Variants in FAT4 observed in about 807,000 individuals in gnomAD.
FAT4 encodes the protein FAT atypical cadherin 4, also known as protocadherin Fat 4.
In FAT4, 84 loss-of-function variants were observed where a neutral mutation model predicts 303.9. The ratio of observed to expected loss-of-function variants is 0.28; its 90% confidence interval spans 0.23 to 0.33. FAT4 has a LOEUF of 0.33. Ranked by LOEUF, FAT4 falls within the 10% of genes least tolerant of loss-of-function variation. The pLI is 1.00. For missense variants in FAT4, 6,005 were observed against 6,146.8 expected, an observed-to-expected ratio of 0.98 and a Z score of 0.77; for synonymous variants, 2,307 against 2,298.8, an observed-to-expected ratio of 1.00 and a Z score of -0.10.
intron 2 of FAT4, among the ~76,000 whole-genome samples, chr4:125,384,727 G>A (rs955589061): frequency 2.0e-5 from 3 of 151,788 alleles, no homozygotes; most frequent in Non-Finnish European, 2.9e-5. Context: ...TTTACTTAGA[G>A]CAACATGTAG....
Position 125,449,431 on chromosome 4 carries a change from A to G in FAT4, c.8421A>G (p.Ala2807=), listed in dbSNP as rs368549043. 11 of 1,613,726 alleles carry G rather than the reference A, an allele frequency of 6.8e-6. No homozygotes were observed. Among genetic ancestry groups the G allele is most frequent in the African/African-American group, 1.3e-5 (1 of 74,910 alleles). Residue 2807 remains alanine, a synonymous_variant, in exon 10 of 18, where the codon GCA becomes GCG. Transcript: ENST00000394329. The part of the protein sequence containing the change: ...TTSDEDIGIN[A]ISRYSIMDAS... ...CTGATGAAGACATTGGGATCAATGC[A>G]ATTAGTAGATATTCTATAATGGATG...
At position 125,449,829 on chromosome 4, in the gene FAT4, TC is replaced by T; in HGVS notation, c.8820del (p.Thr2941LeufsTer6). On this transcript the variant is annotated frameshift_variant, in exon 10 of 18. Coordinates refer to ENST00000394329, the MANE Select transcript of FAT4 (RefSeq NM_001291303.3). LOFTEE classifies it high-confidence loss of function. ...FNKQILKYQN[V>X]TGFSNVNINR... ...AAACAGATCTTAAAATACCAAAATG[TC>T]ACTGGCTTCAGTAATGTGAATATCA... The T allele has an allele frequency of 6.2e-7, 1 of 1,613,920 alleles. No homozygotes were observed. Among genetic ancestry groups the T allele is most frequent in the Non-Finnish European group, 8.5e-7 (1 of 1,179,912 alleles).
intron 2 of FAT4, among the ~76,000 whole-genome samples, chr4:125,388,510 C>A (rs1733850913): frequency 6.6e-6 from 1 of 152,078 alleles, no homozygotes; most frequent in African/African-American, 2.4e-5. Context: ...GAAAAATATA[C>A]TACAGGACGC....
At chr4:125,429,318 G>A (rs934673415) in intron 7 of FAT4, among the ~76,000 whole-genome samples, 1 of 152,092 alleles carries the variant, frequency 6.6e-6, no homozygotes, top group Non-Finnish European at 1.5e-5. Context: ...AGACCTAATG[G>A]TATGCATTAT....
intron 2 of FAT4, among the ~76,000 whole-genome samples, chr4:125,370,608 C>T (rs569376441): frequency 6.6e-6 from 1 of 152,104 alleles, no homozygotes; most frequent in African/African-American, 2.4e-5. Context: ...GAAAACCAAA[C>T]CTCTAAATCA....
chr4:125,360,966 TTTA>T (rs930920090), intron 2 of FAT4, among the ~76,000 whole-genome samples: 69 of 147,396 alleles, frequency 4.7e-4, no homozygotes, highest in Admixed American at 3.5e-3. Flanking sequence ...TATTTATATT[TTTA>T]TTATTATTTA....
At chr4:125,421,905 AT>A (rs534637047) in intron 7 of FAT4, among the ~76,000 whole-genome samples, 222 of 152,252 alleles carry the variant, frequency 1.5e-3, no homozygotes, top group African/African-American at 4.7e-3. Flanking sequence ...TATTTATTAA[AT>A]TTTTTTAAGG....
rs771543271 is a variant in FAT4, at chr4:125,490,098, C to T, written c.13282C>T (p.Pro4428Ser). Reference sequence around the variant, plus strand: ...TCAGTGGTATGCCTACAGGTGTGTCCCTCCTGGGGACTGTGCCTCCCACCC... The same window carrying T: ...TCAGTGGTATGCCTACAGGTGTGTCTCTCCTGGGGACTGTGCCTCCCACCC... ...INQWYAYRCV[P>S]PGDCASHPCQ... Residue 4428 changes from proline (P) to serine (S), a missense_variant, in exon 18 of 18, where the codon CCT becomes TCT. Pro to Ser is a moderately conservative substitution (Grantham distance 74). Coordinates refer to ENST00000394329, the MANE Select transcript of FAT4 (RefSeq NM_001291303.3). 3 of 1,613,968 alleles carry T rather than the reference C, an allele frequency of 1.9e-6. No homozygotes were observed. In the Admixed American group the frequency reaches 5.0e-5, roughly 27 times the overall value.
At position 125,346,414 on chromosome 4, in the gene FAT4, C is replaced by CT. The variant is rs558057139; in HGVS notation, c.5175+24837dup. Among the ~76,000 whole-genome samples, 292 of 151,018 alleles carry CT rather than the reference C, an allele frequency of 1.9e-3. 1 individual carries two copies. Among genetic ancestry groups the CT allele is most frequent in the Middle Eastern group, 3.4e-3 (1 of 294 alleles). On this transcript the variant is annotated intron_variant, in intron 2 of 17. Transcript: ENST00000394329. ...GCAGATTAAAACTTTTATGGCTATA[C>CT]TTTTTTTTTGACAAACCAATGAGCA...
intron 2 of FAT4, among the ~76,000 whole-genome samples, chr4:125,348,810 A>C (rs1458582510): frequency 6.6e-6 from 1 of 151,728 alleles, no homozygotes; most frequent in African/African-American, 2.4e-5. Flanking sequence ...ATGAAATTAA[A>C]TTTAGGATAA....
chr4:125,318,389 C>T lies in FAT4; in HGVS notation c.1978C>T (p.Leu660=). 8.1e-6 allele frequency: 13 copies of T among 1,614,200 alleles called. No homozygotes were observed. Among genetic ancestry groups the T allele is most frequent in the Non-Finnish European group, 1.1e-5 (13 of 1,180,036 alleles). The part of the protein sequence containing the change: ...EEQAFYSLLV[L]ATDLGSPPQS... The stretch of plus-strand genomic sequence containing the variant: ...GCAAGCCTTCTACTCCCTGTTGGTT[C>T]TGGCCACAGATCTGGGCTCCCCTCC... Residue 660 remains leucine (L), a synonymous_variant, in exon 2 of 18, where the codon CTG becomes TTG. Coordinates refer to ENST00000394329, the MANE Select transcript of FAT4 (RefSeq NM_001291303.3).
At chr4:125,389,795 A>G (rs1733909365) in intron 2 of FAT4, among the ~76,000 whole-genome samples, 1 of 152,256 alleles carries the variant, frequency 6.6e-6, no homozygotes, top group South Asian at 2.1e-4. Flanking sequence ...TACATCGCAA[A>G]CAAATAAATA....
At chr4:125,358,574 A>C (rs1258941337) in intron 2 of FAT4, among the ~76,000 whole-genome samples, 1 of 152,076 alleles carries the variant, frequency 6.6e-6, no homozygotes, top group Non-Finnish European at 1.5e-5. Flanking sequence ...TCCTATGAGA[A>C]TCTAATGCTG....
intron 2 of FAT4, among the ~76,000 whole-genome samples, chr4:125,357,890 T>C (rs1218312405): frequency 1.3e-5 from 2 of 152,172 alleles, no homozygotes; most frequent in Non-Finnish European, 2.9e-5. Context: ...AACTGGGCCA[T>C]ACATCCCTTC....
intron 10 of FAT4, among the ~76,000 whole-genome samples, chr4:125,453,490 C>G (rs939631512): frequency 6.6e-6 from 1 of 152,068 alleles, no homozygotes; most frequent in Non-Finnish European, 1.5e-5. Context: ...GGGCAGATCA[C>G]GAGGCTGAGA....
rs35824588 is a variant in FAT4 at position 125,323,520 on chromosome 4, T to TA, written c.5175+1942dup. On this transcript the variant is annotated intron_variant, in intron 2 of 17. Transcript: ENST00000394329. ...AATTCAATGTGATGATTTTTTTAAT[T>TA]AAAAAAAAGTCAGCATATCTTCTGT... is the stretch of plus-strand genomic sequence containing the variant. Among the ~76,000 whole-genome samples, 4 of 151,902 alleles carry TA rather than the reference T, an allele frequency of 2.6e-5. No individual in the cohort carries two copies. In the East Asian group the frequency reaches 7.7e-4, roughly 29 times the overall value.
chr4:125,356,932 G>A (rs1485102694), intron 2 of FAT4, among the ~76,000 whole-genome samples: 1 of 151,876 alleles, frequency 6.6e-6, no homozygotes, highest in African/African-American at 2.4e-5. Context: ...GAACATTCAT[G>A]AATCTAAAAA....
chr4:125,476,005 GC>G (rs1269755559), intron 12 of FAT4, among the ~76,000 whole-genome samples, 165 bp from the exon 13 acceptor site: 5 of 152,050 alleles, frequency 3.3e-5, no homozygotes, highest in African/African-American at 1.2e-4. Flanking sequence ...AGAAACATGT[GC>G]CCATGATTCA....
Position 125,473,870 on chromosome 4 carries a change from G to A in FAT4, c.12214-2301G>A, listed in dbSNP as rs141169576. Among the ~76,000 whole-genome samples, 939 of 151,990 alleles carry A rather than the reference G, an allele frequency of 6.2e-3. 11 individuals carry two copies. Among genetic ancestry groups the A allele is most frequent in the African/African-American group, 0.022 (909 of 41,494 alleles). On this transcript the variant is annotated intron_variant, in intron 12 of 17. Coordinates refer to ENST00000394329, the MANE Select transcript of FAT4 (RefSeq NM_001291303.3). ...GAAAAAAACTCTGTCATTATTACTT[G>A]AGTCATAGGAAAAATGTCTTCCTGT... is the stretch of plus-strand genomic sequence containing the variant.
Sources: gnomAD v4.1 joint callset for allele counts (sites outside exome capture counted in the v4.1 genomes callset) on GRCh38, gnomAD v4.1.1 for gene constraint, MANE v1.5 for transcripts, NCBI Gene and HGNC (gene_info 2026-07-23, HGNC 2026-07-21) for gene names.